BANP: variants seen among roughly 807,000 people sequenced by gnomAD.
BANP encodes the protein BTG3 associated nuclear protein, also known as protein BANP.
In BANP, 11 loss-of-function variants were observed where a neutral mutation model predicts 68.1. The observed-to-expected ratio is 0.16, with a 90% CI of 0.10 to 0.27. The LOEUF is 0.27. Among genes scored for constraint, BANP ranks in the 10% least tolerant of loss-of-function variants. The pLI, the probability that BANP is intolerant of heterozygous loss-of-function variation, is 1.00. For missense variants in BANP, 504 were observed against 722.7 expected (o/e 0.70, Z 3.47); for synonymous variants, 329 against 303.2 (o/e 1.09, Z -0.88).
intron 11 of BANP, among the ~76,000 whole-genome samples, chr16:88,039,219 G>A (rs550899247): frequency 1.3e-5 from 2 of 152,116 alleles, no homozygotes; most frequent in East Asian, 1.9e-4. Context: ...AGCATCGCTC[G>A]TCTGTAAGTA....
intron 11 of BANP, among the ~76,000 whole-genome samples, chr16:88,051,223 G>A (rs1301017682): frequency 3.3e-5 from 5 of 152,178 alleles, no homozygotes; most frequent in Admixed American, 6.5e-5. Flanking sequence ...AGACCCCCTC[G>A]AACCTCTGTG....
At chr16:88,053,413 A>C (rs2083866958) in intron 11 of BANP, among the ~76,000 whole-genome samples, 2 of 150,014 alleles carry the variant, frequency 1.3e-5, no homozygotes, top group South Asian at 2.1e-4. Context: ...CAACACAACC[A>C]CCTTTACCAC....
chr16:88,011,439 C>T (rs980370386), intron 6 of BANP, among the ~76,000 whole-genome samples: 20 of 152,256 alleles, frequency 1.3e-4, no homozygotes, highest in African/African-American at 3.6e-4. Context: ...GACCCGGAGG[C>T]GCAGGATCCT....
chr16:88,015,892 G>A (rs1484178365), intron 6 of BANP, among the ~76,000 whole-genome samples: 1 of 152,234 alleles, frequency 6.6e-6, no homozygotes, highest in Non-Finnish European at 1.5e-5. Context: ...GTGTGGGATC[G>A]AGGCTGTTTC....
chr16:88,075,627 C>G (rs1341133175), intron 13 of BANP, among the ~76,000 whole-genome samples: 1 of 152,176 alleles, frequency 6.6e-6, no homozygotes, highest in African/African-American at 2.4e-5. Flanking sequence ...TGCCTTCCAG[C>G]TGAAGCTTCT....
chr16:88,001,923 C>CA (rs1161573692), intron 4 of BANP, among the ~76,000 whole-genome samples: 2 of 114,936 alleles, frequency 1.7e-5, no homozygotes, highest in African/African-American at 6.2e-5. Flanking sequence ...TAAAAAAAAA[C>CA]AAAAAAACAA....
At chr16:88,042,355 C>G (rs2081035444) in intron 11 of BANP, among the ~76,000 whole-genome samples, 1 of 152,238 alleles carries the variant, frequency 6.6e-6, no homozygotes, top group African/African-American at 2.4e-5. Flanking sequence ...GCTTCCTCCT[C>G]CCCGAGCTGT....
intron 13 of BANP, among the ~76,000 whole-genome samples, chr16:88,074,437 G>T (rs2091156229): frequency 6.6e-6 from 1 of 152,250 alleles, no homozygotes; most frequent in African/African-American, 2.4e-5. Flanking sequence ...GGAGGGTAGG[G>T]GGGTGCCATT....
chr16:87,986,417 G>A (rs187273774), intron 4 of BANP, among the ~76,000 whole-genome samples: 182 of 152,336 alleles, frequency 1.2e-3, no homozygotes, highest in African/African-American at 4.2e-3. Flanking sequence ...CTGGAGTGTA[G>A]TTTCTGTAGT....
intron 12 of BANP, among the ~76,000 whole-genome samples, chr16:88,068,909 G>A (rs1200464108): frequency 4.6e-5 from 7 of 151,944 alleles, no homozygotes; most frequent in Admixed American, 4.6e-4. Flanking sequence ...CCTGTGGTCT[G>A]AGCCAGAGTC....
intron 1 of BANP, among the ~76,000 whole-genome samples, chr16:87,955,795 C>T (rs974468315): frequency 8.5e-5 from 13 of 152,206 alleles, no homozygotes; most frequent in Non-Finnish European, 1.8e-4. Flanking sequence ...CACCAAGGAC[C>T]CAGTGAGACA....
chr16:88,043,266 G>T (rs1842473744), intron 11 of BANP, among the ~76,000 whole-genome samples: 1 of 152,232 alleles, frequency 6.6e-6, no homozygotes. Flanking sequence ...GGCATGGGTA[G>T]CTCCTTCGGG....
intron 1 of BANP, among the ~76,000 whole-genome samples, chr16:87,961,639 A>G (rs1214273292): frequency 6.6e-6 from 1 of 152,178 alleles, no homozygotes; most frequent in Non-Finnish European, 1.5e-5. Flanking sequence ...TTTGGAAGCT[A>G]TAGTTATTTT....
rs902812314 is a variant in BANP, at chr16:88,057,558, C to T, written c.1312-7709C>T. 1.2e-4 allele frequency among the ~76,000 whole-genome samples: 18 copies of T among 152,180 alleles called. No individual in the cohort carries two copies. Among genetic ancestry groups the T allele is most frequent in the Admixed American group, 9.8e-4 (15 of 15,300 alleles). On this transcript the variant is annotated intron_variant, in intron 11 of 13. Transcript: ENST00000682872. The surrounding 1 kb of genome is among the most constrained non-coding windows in gnomAD (Gnocchi z 4.6). ...GCTTCATGCTGATTCTGTTTAGGCC[C>T]CGGCTTTTCCCTCATGCAAAATGCA...
rs2085356318 is a variant in BANP, at chr16:88,057,443, A to G, written c.1312-7824A>G. On this transcript the variant is annotated intron_variant, in intron 11 of 13. Transcript: ENST00000682872. This position sits in a 1 kb window ranked among gnomAD's most constrained non-coding sequence, Gnocchi z 4.6. ...TGGTGGCTGAAGGTGAGCCTTCTCC[A>G]GGGGGATGCCCTGGAGACTCTTGCG... Among the ~76,000 whole-genome samples the G allele has an allele frequency of 6.6e-6, 1 of 152,038 alleles. No homozygotes were observed. Among genetic ancestry groups the G allele is most frequent in the Admixed American group, 6.5e-5 (1 of 15,278 alleles).
chr16:88,004,262 C>T lies in BANP; in HGVS notation c.363-33C>T. ...ACCATGAATGTTGTTGTTTTAAGGCCTTCTTTTTCTTTGTGATTCTTTTGT... is the reference window on the plus strand; with the variant it reads ...ACCATGAATGTTGTTGTTTTAAGGCTTTCTTTTTCTTTGTGATTCTTTTGT... On this transcript the variant is annotated intron_variant, in intron 4 of 13. Transcript: ENST00000682872. This position sits in a 1 kb window ranked among gnomAD's most constrained non-coding sequence, Gnocchi z 7.0. 7.6e-7 allele frequency: 1 copy of T among 1,322,730 alleles called. No homozygotes were observed. 81.9% of individuals were successfully genotyped at this position (1,322,730 alleles called of 1,614,324 possible).
intron 1 of BANP, among the ~76,000 whole-genome samples, chr16:87,953,278 A>G (rs2057350882): frequency 6.6e-6 from 1 of 152,196 alleles, no homozygotes. Context: ...ATGAAAAGCA[A>G]TGGTCCCCTG....
At chr16:88,027,023 T>C (rs2077134597) in intron 7 of BANP, among the ~76,000 whole-genome samples, 1 of 152,214 alleles carries the variant, frequency 6.6e-6, no homozygotes. Context: ...GGGAAGGCGG[T>C]GGCCGAGCAG....
intron 4 of BANP, among the ~76,000 whole-genome samples, chr16:87,985,698 C>T (rs905127907): frequency 6.6e-6 from 1 of 152,124 alleles, no homozygotes; most frequent in African/African-American, 2.4e-5. Context: ...TGTGAAAAAG[C>T]CGGACGTCCC....
Sources: gnomAD v4.1 joint callset for allele counts (sites outside exome capture counted in the v4.1 genomes callset) on GRCh38, gnomAD v4.1.1 for gene constraint, Gnocchi (gnomAD v3.1) non-coding constraint, MANE v1.5 for transcripts, NCBI Gene and HGNC (gene_info 2026-07-23, HGNC 2026-07-21) for gene names.